Variants in DNAH5 observed in about 807,000 individuals in gnomAD.
DNAH5 encodes dynein axonemal heavy chain 5.
A neutral mutation model predicts 518.2 loss-of-function variants in DNAH5; 372 were observed. The ratio of observed to expected loss-of-function variants is 0.72; its 90% CI spans 0.66 to 0.78. The LOEUF (loss-of-function observed/expected upper bound fraction) is 0.78. Ranked by LOEUF, DNAH5 falls within the 30% of genes least tolerant of loss-of-function variation. The pLI, the probability that DNAH5 is intolerant of heterozygous loss-of-function variation, is 0.00. For synonymous variants in DNAH5, 2,039 were observed against 2,025.9 expected (o/e 1.01, Z -0.17); for missense variants, 5,523 against 5,687.0 (o/e 0.97, Z 0.93).
chr5:13,766,499 C>A (rs1197034369), intron 58 of DNAH5, among the ~76,000 whole-genome samples: 2 of 152,192 alleles, frequency 1.3e-5, no homozygotes, highest in African/African-American at 4.8e-5. Flanking sequence ...ATAGTCAGCA[C>A]ATAAGTAGAT....
intron 35 of DNAH5, among the ~76,000 whole-genome samples, chr5:13,834,946 G>A (rs1032137091): frequency 1.3e-5 from 2 of 152,192 alleles, no homozygotes; most frequent in African/African-American, 2.4e-5. Context: ...CAGACTGTAC[G>A]AGGACAACGA....
At chr5:13,830,341 A>G in intron 36 of DNAH5, 128 bp from the exon 37 acceptor site, 1 of 964,776 alleles carries the variant, frequency 1.0e-6, no homozygotes, top group Non-Finnish European at 1.6e-6. Context: ...CAACAAATAG[A>G]TCTATGCATC....
At chr5:13,699,642 A>G (rs926468324) in intron 78 of DNAH5, among the ~76,000 whole-genome samples, 1 of 152,202 alleles carries the variant, frequency 6.6e-6, no homozygotes, top group African/African-American at 2.4e-5. Flanking sequence ...TGAACTCAGG[A>G]GTTGGAGGTT....
At chr5:13,957,965 T>C (rs941684584) in intron 1 of DNAH5, among the ~76,000 whole-genome samples, 4 of 151,770 alleles carry the variant, frequency 2.6e-5, no homozygotes, top group African/African-American at 4.8e-5. Flanking sequence ...TACACACATG[T>C]ATATGTATAT....
Position 13,786,251 on chromosome 5 carries a change from G to A in DNAH5, c.8748C>T (p.Leu2916=), listed in dbSNP as rs556119081. 2.4e-5 allele frequency: 39 copies of A among 1,614,022 alleles called. No individual in the cohort carries two copies. In the Admixed American group the frequency reaches 5.7e-4, roughly 23 times the overall value. Residue 2916 remains leucine (L), a synonymous_variant, in exon 52 of 79, where the codon CTC becomes CTT. Coordinates refer to ENST00000265104, the MANE Select transcript of DNAH5 (RefSeq NM_001369.3). ...LKERLNMFLQ[L]YNESIRGAGM... The stretch of plus-strand genomic sequence containing the variant: ...CGGCGCCACGGATGCTCTCATTATA[G>A]AGCTGCAGGAACATATTCAGACGCT...
At chr5:13,942,271 G>C (rs1441777057) in intron 1 of DNAH5, among the ~76,000 whole-genome samples, 1 of 151,268 alleles carries the variant, frequency 6.6e-6, no homozygotes, top group African/African-American at 2.5e-5. Context: ...CATTACAGTA[G>C]CCTAATTATA....
chr5:13,759,023 A>T (rs369331013), intron 60 of DNAH5, 40 bp from the exon 61 acceptor site: 1 of 1,613,122 alleles, frequency 6.2e-7, no homozygotes, highest in African/African-American at 1.3e-5. Flanking sequence ...TGGGCAGCCA[A>T]CCTCAAAACA....
intron 1 of DNAH5, among the ~76,000 whole-genome samples, chr5:13,938,381 G>C (rs751216529): frequency 1.1e-4 from 16 of 152,068 alleles, no homozygotes; most frequent in Admixed American, 1.0e-3. Flanking sequence ...GGTAGATACA[G>C]TACAATAAGA....
Position 13,810,152 on chromosome 5 carries a change from G to A in DNAH5, c.7516C>T (p.Leu2506Phe). Residue 2506 changes from leucine to phenylalanine, a missense_variant, in exon 45 of 79, where the codon CTC becomes TTC. Around this residue, in one of 3 missense-constraint regions of DNAH5, gnomAD observed 5,121 missense variants for 5,223.3 expected, o/e 0.98. Transcript: ENST00000265104. ...CCTGTGGGCCGAGAGCGCAGCCAGAGCTCCAGGCGGCGCCGTCCGTCCAGC... is the reference window on the plus strand; with the variant it reads ...CCTGTGGGCCGAGAGCGCAGCCAGAACTCCAGGCGGCGCCGTCCGTCCAGC... ...LELDGRRRLELWLRSRPTGTL... is the reference protein window; with the variant it reads ...LELDGRRRLEFWLRSRPTGTL... The A allele has an allele frequency of 6.5e-7, 1 of 1,548,474 alleles. No individual in the cohort carries two copies. The highest frequency in any genetic ancestry group is 8.7e-7 in the Non-Finnish European group (1 of 1,145,700).
chr5:14,008,672 A>G (rs1784902359), intron 1 of DNAH5, among the ~76,000 whole-genome samples: 1 of 152,114 alleles, frequency 6.6e-6, no homozygotes, highest in East Asian at 1.9e-4. Context: ...AGGGAGGGCA[A>G]AGGTGGAGAG....
intron 52 of DNAH5, among the ~76,000 whole-genome samples, chr5:13,784,959 G>C (rs1755755129): frequency 6.6e-6 from 1 of 152,146 alleles, no homozygotes; most frequent in Non-Finnish European, 1.5e-5. Flanking sequence ...CAGTATTGTG[G>C]AAGACAATTT....
In DNAH5 at chr5:13,864,500, C is replaced by A; in HGVS notation, c.4493G>T (p.Arg1498Met). The change falls in exon 28 of 79, where the codon AGG (arginine) becomes ATG (methionine). Residue 1498 changes from arginine (R) to methionine (M), a missense_variant. Transcript: ENST00000265104. Reference sequence around the variant, plus strand: ...ACTGTGCCCGGTGAGGGTGGTTATCCTTTCCCAGTGCCGCTCCATCATGGC... The same window carrying A: ...ACTGTGCCCGGTGAGGGTGGTTATCATTTCCCAGTGCCGCTCCATCATGGC... ...SKAMMERHWE[R>M]ITTLTGHSLD... 1.2e-6 allele frequency: 2 copies of A among 1,614,108 alleles called. No homozygotes were observed. The highest frequency in any genetic ancestry group is 1.7e-6 in the Non-Finnish European group (2 of 1,180,016).
intron 1 of DNAH5, among the ~76,000 whole-genome samples, chr5:13,999,250 T>C (rs1784177020): frequency 6.6e-6 from 1 of 152,244 alleles, no homozygotes; most frequent in Admixed American, 6.5e-5. Context: ...CAACAAATTT[T>C]CAAGTATACA....
intron 1 of DNAH5, among the ~76,000 whole-genome samples, chr5:13,939,019 A>G (rs1779221642): frequency 6.6e-6 from 1 of 152,190 alleles, no homozygotes; most frequent in Non-Finnish European, 1.5e-5. Context: ...TAGTTCTCCT[A>G]TCTGCCACAT....
chr5:13,921,475 TCA>T (rs138046391), intron 5 of DNAH5, among the ~76,000 whole-genome samples: 3,003 of 73,432 alleles, frequency 0.041, 56 homozygotes, highest in East Asian at 0.1. Flanking sequence ...TATCTCTCTC[TCA>T]CACACACACA....
rs2401809 is a variant in DNAH5, at chr5:13,754,285, C to T, written c.10473G>A (p.Thr3491=). ...RCRHKMQTAS[T]LISGLAGEKE... is the part of the protein sequence containing the mutation. ...TTTCACCTGCCAAGCCACTGATGAGCGTGGAAGCTGTCTGCATCTTGTGTC... is the reference window on the plus strand; with the variant it reads ...TTTCACCTGCCAAGCCACTGATGAGTGTGGAAGCTGTCTGCATCTTGTGTC... The change falls in exon 62 of 79, where the codon ACG becomes ACA. Residue 3491 remains threonine, a synonymous_variant. Coordinates refer to ENST00000265104, the MANE Select transcript of DNAH5 (RefSeq NM_001369.3). The T allele has an allele frequency of 0.36, 575,129 of 1,613,622 alleles. 104,609 individuals are homozygous for T. The highest frequency in any genetic ancestry group is 0.45 in the South Asian group (41,296 of 91,062).
intron 11 of DNAH5, among the ~76,000 whole-genome samples, chr5:13,912,898 C>T (rs1776183126): frequency 6.6e-6 from 1 of 151,892 alleles, no homozygotes; most frequent in African/African-American, 2.4e-5. Context: ...TATTGCACAT[C>T]TACTATGTGC....
At chr5:13,957,992 A>G (rs1780880794) in intron 1 of DNAH5, among the ~76,000 whole-genome samples, 2 of 151,774 alleles carry the variant, frequency 1.3e-5, no homozygotes, top group Non-Finnish European at 2.9e-5. Flanking sequence ...ATATACCTTT[A>G]TTTTTAGTTT....
intron 40 of DNAH5, among the ~76,000 whole-genome samples, chr5:13,821,359 A>T (rs1762211682): frequency 6.6e-6 from 1 of 152,228 alleles, no homozygotes; most frequent in Non-Finnish European, 1.5e-5. Flanking sequence ...AACTGTCTTT[A>T]TATGTCCACT....
Sources: allele counts gnomAD v4.1 joint callset (sites outside exome capture counted in the v4.1 genomes callset), GRCh38; gene constraint gnomAD v4.1.1; regional missense constraint gnomAD v4.1.1; transcripts MANE v1.5; gene names NCBI Gene and HGNC (gene_info 2026-07-23, HGNC 2026-07-21).